LGR5: variants seen among roughly 807,000 people sequenced by gnomAD.
LGR5 encodes leucine-rich repeat-containing G protein-coupled receptor 5.
LGR5 carries 54 observed loss-of-function variants against 76.7 expected under a neutral mutation model. The observed-to-expected ratio is 0.70, with a 90% CI of 0.57 to 0.88. LGR5 has a LOEUF of 0.88. Among genes scored for constraint, LGR5 ranks in the 40% least tolerant of loss-of-function variants. The pLI, the probability that LGR5 is intolerant of heterozygous loss-of-function variation, is 0.00. For missense variants in LGR5, 1,078 were observed against 1,073.3 expected (o/e 1.00, Z -0.06); for synonymous variants, 406 against 421.9 (o/e 0.96, Z 0.46).
rs185661778 is a variant in LGR5 at position 71,518,862 on chromosome 12, C to T, written c.285-5544C>T. ...AGAGGATGGGAGGAGGCAAAGGATC[C>T]GGAAAAATAACTAATGGGTACTAGG... On this transcript the variant is annotated intron_variant, in intron 2 of 17. Transcript: ENST00000266674. Among the ~76,000 whole-genome samples, 463 of 152,054 alleles carry T rather than the reference C, an allele frequency of 3.0e-3. 4 individuals are homozygous for T. Among genetic ancestry groups the T allele is most frequent in the South Asian group, 4.8e-3 (23 of 4,812 alleles).
chr12:71,553,165 T>C lies in LGR5; in HGVS notation c.521T>C (p.Leu174Ser), dbSNP rs1241216057. 1.2e-6 allele frequency: 2 copies of C among 1,613,974 alleles called. No individual in the cohort carries two copies. The highest frequency in any genetic ancestry group is 1.7e-6 in the Non-Finnish European group (2 of 1,180,014). Residue 174 changes from leucine (L) to serine (S), a missense_variant, in exon 5 of 18, where the codon TTA becomes TCA. Leu to Ser is a moderately radical substitution (Grantham distance 145). Coordinates refer to ENST00000266674, the MANE Select transcript of LGR5 (RefSeq NM_003667.4). ...CACCTGTGGCTGGATGACAATGCGTTAACAGAAATCCCCGTCCAGGCTTTT... is the reference window on the plus strand; with the variant it reads ...CACCTGTGGCTGGATGACAATGCGTCAACAGAAATCCCCGTCCAGGCTTTT... ...LRHLWLDDNA[L>S]TEIPVQAFRS...
chr12:71,460,655 G>A (rs1210269728), intron 1 of LGR5, among the ~76,000 whole-genome samples: 1 of 152,100 alleles, frequency 6.6e-6, no homozygotes, highest in Non-Finnish European at 1.5e-5. Context: ...TTAACCCACA[G>A]ACATTACGTG....
intron 1 of LGR5, among the ~76,000 whole-genome samples, chr12:71,498,850 T>G (rs1874457595): frequency 6.6e-6 from 1 of 152,220 alleles, no homozygotes; most frequent in African/African-American, 2.4e-5. Flanking sequence ...ATCCCAGTTA[T>G]TTCCATGCAG....
At chr12:71,559,678 T>C in intron 7 of LGR5, 24 bp downstream of exon 7, 2 of 1,183,972 alleles carry the variant, frequency 1.7e-6, no homozygotes, top group Non-Finnish European at 2.5e-6. Flanking sequence ...ACAATTTTAA[T>C]GGGAGAACTT....
At chr12:71,471,200 C>A (rs888134273) in intron 1 of LGR5, among the ~76,000 whole-genome samples, 6 of 152,000 alleles carry the variant, frequency 3.9e-5, no homozygotes, top group African/African-American at 1.5e-4. Context: ...TGAAGTCAAC[C>A]ATAATGGGTA....
chr12:71,542,889 C>A (rs1191658317), intron 4 of LGR5, among the ~76,000 whole-genome samples: 1 of 152,016 alleles, frequency 6.6e-6, no homozygotes, highest in Admixed American at 6.6e-5. Context: ...AAAGTAAAAT[C>A]TAGTTTAGGT....
At chr12:71,468,990 T>G (rs561118676) in intron 1 of LGR5, among the ~76,000 whole-genome samples, 4 of 152,326 alleles carry the variant, frequency 2.6e-5, no homozygotes, top group African/African-American at 9.6e-5. Context: ...TGTCACATTG[T>G]TCGAAAAGAG....
intron 1 of LGR5, among the ~76,000 whole-genome samples, chr12:71,442,940 A>G (rs1208925120): frequency 1.3e-5 from 2 of 152,250 alleles, no homozygotes; most frequent in African/African-American, 4.8e-5. Flanking sequence ...ACACAAAGTT[A>G]TAGCTCCACT....
chr12:71,503,998 G>A (rs1283892509), intron 1 of LGR5, among the ~76,000 whole-genome samples: 3 of 152,196 alleles, frequency 2.0e-5, no homozygotes, highest in Non-Finnish European at 4.4e-5. Context: ...CTACTGTGCA[G>A]GCCCAGCAGG....
chr12:71,481,675 G>GCCAATTTCA (rs1449346470), intron 1 of LGR5, among the ~76,000 whole-genome samples: 2 of 152,122 alleles, frequency 1.3e-5, no homozygotes, highest in East Asian at 1.9e-4. Context: ...GCATGAAAGG[G>GCCAATTTCA]TCCCAGGGTC....
At chr12:71,495,274 T>C (rs1165101165) in intron 1 of LGR5, among the ~76,000 whole-genome samples, 1 of 151,250 alleles carries the variant, frequency 6.6e-6, no homozygotes, top group African/African-American at 2.5e-5. Flanking sequence ...AACAAAGAAA[T>C]CAGATTGACT....
At chr12:71,456,368 G>T (rs1036356733) in intron 1 of LGR5, among the ~76,000 whole-genome samples, 2 of 152,124 alleles carry the variant, frequency 1.3e-5, no homozygotes, top group Admixed American at 6.6e-5. Flanking sequence ...AGTGACCAGG[G>T]TATGGTTTGT....
intron 1 of LGR5, among the ~76,000 whole-genome samples, chr12:71,467,383 T>A (rs1872909583): frequency 6.6e-6 from 1 of 152,146 alleles, no homozygotes; most frequent in African/African-American, 2.4e-5. Flanking sequence ...GTGGAGGGGA[T>A]TTGGCCTGAA....
intron 1 of LGR5, among the ~76,000 whole-genome samples, chr12:71,485,589 G>C (rs1025891263): frequency 1.1e-4 from 16 of 151,954 alleles, no homozygotes; most frequent in African/African-American, 3.6e-4. Context: ...AATTAGCCAG[G>C]TGTGGTGGCA....
At chr12:71,542,192 A>G (rs1203111936) in intron 4 of LGR5, among the ~76,000 whole-genome samples, 1 of 152,330 alleles carries the variant, frequency 6.6e-6, no homozygotes, top group South Asian at 2.1e-4. Flanking sequence ...GAGAAAGTGA[A>G]AGGCATCCTA....
At chr12:71,446,370 G>C (rs748632538) in intron 1 of LGR5, among the ~76,000 whole-genome samples, 2 of 152,190 alleles carry the variant, frequency 1.3e-5, no homozygotes, top group Non-Finnish European at 2.9e-5. Flanking sequence ...AATAGCAATA[G>C]TCATAATAAC....
chr12:71,585,016 G>T lies in LGR5; in HGVS notation c.*282G>T. On this transcript the variant is annotated 3_prime_UTR_variant, in exon 18 of 18. Transcript: ENST00000266674. ...GCAGATTGAAATTTTCTTTAGAAAAGATTCTCCATGATTTGAATTGCATTC... is the reference window on the plus strand; with the variant it reads ...GCAGATTGAAATTTTCTTTAGAAAATATTCTCCATGATTTGAATTGCATTC... The T allele has an allele frequency of 3.1e-6, 1 of 326,816 alleles. No individual in the cohort carries two copies. Among genetic ancestry groups the T allele is most frequent in the South Asian group, 7.7e-5 (1 of 13,070 alleles). 20.2% of individuals were successfully genotyped at this position (326,816 alleles called of 1,614,324 possible).
chr12:71,529,718 G>C (rs1057138237), intron 3 of LGR5, among the ~76,000 whole-genome samples: 4 of 152,144 alleles, frequency 2.6e-5, no homozygotes, highest in African/African-American at 7.2e-5. Context: ...CACTTTGGAA[G>C]GCTGAGACAG....
intron 4 of LGR5, among the ~76,000 whole-genome samples, chr12:71,550,004 G>A (rs898850407): frequency 6.6e-6 from 1 of 152,034 alleles, no homozygotes; most frequent in African/African-American, 2.4e-5. Flanking sequence ...ATTAACGTTG[G>A]GAACTGATAC....
Sources: gnomAD v4.1 joint callset for allele counts (sites outside exome capture counted in the v4.1 genomes callset) on GRCh38, gnomAD v4.1.1 for gene constraint, MANE v1.5 for transcripts, NCBI Gene and HGNC (gene_info 2026-07-23, HGNC 2026-07-21) for gene names.